GLYATL1B: variants seen among roughly 807,000 people sequenced by gnomAD.
The protein encoded by GLYATL1B is glycine-N-acyltransferase like 1B.
A neutral mutation model predicts 5.5 loss-of-function variants in GLYATL1B; 6 were observed. That is an observed-to-expected ratio of 1.09 (90% CI 0.60 to 2.15). GLYATL1B has a LOEUF of 2.15. Ranked by LOEUF, GLYATL1B falls within the 30% of genes most tolerant of loss-of-function variation. The pLI is 0.00. For synonymous variants in GLYATL1B, 67 were observed against 34.9 expected (o/e 1.92, Z -3.24); for missense variants, 135 against 94.1 (o/e 1.43, Z -1.80).
chr11:59,088,288 A>T (rs951844176), intron 2 of GLYATL1B, among the ~76,000 whole-genome samples: 2 of 152,130 alleles, frequency 1.3e-5, no homozygotes, highest in African/African-American at 4.8e-5. Flanking sequence ...CACAAGGAAT[A>T]CACGATTAAG....
At chr11:59,089,924 GT>G (rs1035094570) in intron 2 of GLYATL1B, among the ~76,000 whole-genome samples, 101 of 151,676 alleles carry the variant, frequency 6.7e-4, no homozygotes, top group African/African-American at 2.3e-3. Flanking sequence ...CGTACAAGTT[GT>G]TTTTTTCATT....
intron 2 of GLYATL1B, among the ~76,000 whole-genome samples, chr11:59,092,631 T>C (rs532736111): frequency 1.3e-5 from 2 of 152,340 alleles, no homozygotes; most frequent in East Asian, 3.9e-4. Flanking sequence ...TCACACTTAT[T>C]GTTTATATTT....
chr11:59,089,274 G>T (rs556289663), intron 2 of GLYATL1B, among the ~76,000 whole-genome samples: 2 of 152,222 alleles, frequency 1.3e-5, no homozygotes, highest in South Asian at 2.1e-4. Flanking sequence ...GGTTCAAATT[G>T]TTCATACTTC....
intron 2 of GLYATL1B, among the ~76,000 whole-genome samples, chr11:59,089,822 T>G (rs2135382158): frequency 6.6e-6 from 1 of 152,284 alleles, no homozygotes; most frequent in Middle Eastern, 3.4e-3. Context: ...TTAATTTTCA[T>G]GTAATCAAAT....
intron 2 of GLYATL1B, among the ~76,000 whole-genome samples, chr11:59,090,481 G>T (rs187450245): frequency 2.5e-4 from 38 of 151,894 alleles, no homozygotes; most frequent in Non-Finnish European, 4.9e-4. Flanking sequence ...GTGTTTTCCT[G>T]AGGTAAACTA....
Position 59,093,915 on chromosome 11 carries a change from T to A in GLYATL1B, c.314-19T>A, listed in dbSNP as rs1859374952. 2 of 653,904 alleles carry A rather than the reference T, an allele frequency of 3.1e-6. No individual in the cohort carries two copies. The highest frequency in any genetic ancestry group is 5.5e-6 in the Non-Finnish European group (2 of 364,306). The allele number at this position is 653,904 out of a possible 1,614,324, so 40.5% of individuals were successfully genotyped here. ...AGAACTGCATGTCTGACAATATTGCTTTCTTGGCTTTCTCTCAGGTTTTCA... is the reference window on the plus strand; with the variant it reads ...AGAACTGCATGTCTGACAATATTGCATTCTTGGCTTTCTCTCAGGTTTTCA... On this transcript the variant is annotated intron_variant, in intron 3 of 4. Coordinates refer to ENST00000527482, the MANE Select transcript of GLYATL1B (RefSeq NM_001355566.1).
At chr11:59,091,423 G>A (rs1253061507) in intron 2 of GLYATL1B, among the ~76,000 whole-genome samples, 6 of 152,250 alleles carry the variant, frequency 3.9e-5, no homozygotes, top group Admixed American at 3.9e-4. Context: ...CTGAGTCTTG[G>A]AGTATGGACA....
At chr11:59,089,279 T>C (rs916696567) in intron 2 of GLYATL1B, among the ~76,000 whole-genome samples, 2 of 152,244 alleles carry the variant, frequency 1.3e-5, no homozygotes, top group African/African-American at 4.8e-5. Context: ...AAATTGTTCA[T>C]ACTTCTTTGC....
chr11:59,094,441 A>G lies in GLYATL1B; in HGVS notation c.564A>G (p.Leu188=), dbSNP rs557390760. 6.6e-4 allele frequency: 452 copies of G among 688,574 alleles called. 1 individual carries two copies. The highest frequency in any genetic ancestry group is 1.2e-3 in the South Asian group (67 of 55,030). The allele number at this position is 688,574 out of a possible 1,614,324, so 42.7% of individuals were successfully genotyped here. Residue 188 remains leucine, a synonymous_variant, in exon 5 of 5, where the codon CTA becomes CTG. Coordinates refer to ENST00000527482, the MANE Select transcript of GLYATL1B (RefSeq NM_001355566.1). ...YSGLVNDNWK[L]GMNKRSLRYI... ...GGCTGGTAAATGACAACTGGAAGCT[A>G]GGGATGAATAAGAGGAGCCTGCGTT...
intron 2 of GLYATL1B, among the ~76,000 whole-genome samples, chr11:59,088,709 T>C (rs749170861): frequency 6.6e-6 from 1 of 152,216 alleles, no homozygotes; most frequent in Non-Finnish European, 1.5e-5. Flanking sequence ...AGTTTTTATA[T>C]AGTGAGTCAG....
At chr11:59,088,745 G>T (rs1436502341) in intron 2 of GLYATL1B, among the ~76,000 whole-genome samples, 1 of 152,050 alleles carries the variant, frequency 6.6e-6, no homozygotes, top group Non-Finnish European at 1.5e-5. Flanking sequence ...AAATATAAAA[G>T]TTCCATGCCA....
chr11:59,089,870 A>G (rs2844343), intron 2 of GLYATL1B, among the ~76,000 whole-genome samples: 2,077 of 152,094 alleles, frequency 0.014, 38 homozygotes, highest in African/African-American at 0.047. Context: ...AGGCTTTGGG[A>G]GTTTTTTTGT....
At chr11:59,090,697 CTTA>C (rs1859290096) in intron 2 of GLYATL1B, among the ~76,000 whole-genome samples, 1 of 151,926 alleles carries the variant, frequency 6.6e-6, no homozygotes, top group African/African-American at 2.4e-5. Context: ...GTCGAAGTCT[CTTA>C]TATTTTCTAA....
Position 59,094,097 on chromosome 11 carries a change from T to A in GLYATL1B, c.477T>A (p.Asp159Glu). 1.6e-6 allele frequency: 1 copy of A among 634,718 alleles called. No homozygotes were observed. Among genetic ancestry groups the A allele is most frequent in the Non-Finnish European group, 2.8e-6 (1 of 351,402 alleles). The allele number at this position is 634,718 out of a possible 1,614,324, so 39.3% of individuals were successfully genotyped here. The change falls in exon 4 of 5, where the codon GAT becomes GAA. Residue 159 changes from aspartate to glutamate, a missense_variant. Physicochemically the swap from Asp to Glu is conservative, Grantham distance 45 (BLOSUM62 2). Transcript: ENST00000527482. ...LGSWAETGHP[D>E]DELESETPNF... ...GCTGGGCTGAGACAGGCCACCCAGATGACGAATTGGAGAGGTACAAAAAAC... is the reference window on the plus strand; with the variant it reads ...GCTGGGCTGAGACAGGCCACCCAGAAGACGAATTGGAGAGGTACAAAAAAC...
At chr11:59,088,464 C>A (rs566372328) in intron 2 of GLYATL1B, among the ~76,000 whole-genome samples, 1 of 152,266 alleles carries the variant, frequency 6.6e-6, no homozygotes, top group East Asian at 1.9e-4. Context: ...GAGCCTAATA[C>A]CTTCCCCAGG....
Position 59,094,611 on chromosome 11 carries a change from C to T in GLYATL1B, c.734C>T (p.Thr245Ile). Residue 245 changes from threonine (T) to isoleucine (I), a missense_variant, in exon 5 of 5, where the codon ACA (threonine) becomes ATA (isoleucine). Transcript: ENST00000527482. ...VEKYRRRGNG[T>I]RLIMRCMKYL... The stretch of plus-strand genomic sequence containing the variant: ...AAATACCGAAGGAGAGGCAATGGGA[C>T]ACGGCTGATCATGCGATGCATGAAG... 2.2e-6 allele frequency: 1 copy of T among 453,882 alleles called. No individual in the cohort carries two copies. Among genetic ancestry groups the T allele is most frequent in the Non-Finnish European group, 4.0e-6 (1 of 251,082 alleles). 28.1% of individuals were successfully genotyped at this position (453,882 alleles called of 1,614,324 possible). A position where few individuals can be genotyped will look rare whatever the true frequency, so the allele number is the denominator to read the frequency against.
At chr11:59,090,716 T>G (rs779575328) in intron 2 of GLYATL1B, among the ~76,000 whole-genome samples, 1 of 152,068 alleles carries the variant, frequency 6.6e-6, no homozygotes, top group African/African-American at 2.4e-5. Context: ...TCTAAATGTG[T>G]AATACTGTAA....
At chr11:59,093,757 C>A (rs1380751693) in intron 3 of GLYATL1B, 102 bp downstream of exon 3, 5 of 440,732 alleles carry the variant, frequency 1.1e-5, no homozygotes, top group South Asian at 1.1e-4. Context: ...ATGTAAATTC[C>A]TTGAAATTCT....
intron 1 of GLYATL1B, 72 bp from the exon 2 acceptor site, chr11:59,086,992 C>G (rs1859205604): frequency 2.0e-6 from 1 of 506,752 alleles, no homozygotes; most frequent in Non-Finnish European, 3.5e-6. Context: ...CCATTTTTCT[C>G]TTCCTCTTCA....
Sources: allele counts gnomAD v4.1 joint callset (sites outside exome capture counted in the v4.1 genomes callset), GRCh38; gene constraint gnomAD v4.1.1; transcripts MANE v1.5; gene names NCBI Gene and HGNC (gene_info 2026-07-23, HGNC 2026-07-21).